CYRIB: variants seen among roughly 807,000 people sequenced by gnomAD.
The protein encoded by CYRIB is CYFIP related Rac1 interactor B, also known as CYFIP-related Rac1 interactor B.
A neutral mutation model predicts 44.2 loss-of-function variants in CYRIB; 8 were observed. The ratio of observed to expected loss-of-function variants is 0.18; its 90% CI spans 0.11 to 0.33. The LOEUF (loss-of-function observed/expected upper bound fraction) is 0.33, where lower values mean the gene tolerates loss of function less well. CYRIB is among the 10% of genes least tolerant of loss of function. CYRIB has a pLI of 1.00. For missense variants in CYRIB, 185 were observed against 382.8 expected, an observed-to-expected ratio of 0.48 and a Z score of 4.31; for synonymous variants, 131 against 127.2, an observed-to-expected ratio of 1.03 and a Z score of -0.20.
chr8:129,884,875 C>T (rs937656949), intron 2 of CYRIB, among the ~76,000 whole-genome samples: 1 of 152,110 alleles, frequency 6.6e-6, no homozygotes, highest in Admixed American at 6.5e-5. Context: ...ACTATGAGCC[C>T]TTACATTAGA....
chr8:129,927,703 A>AT (rs1360404745), intron 1 of CYRIB, among the ~76,000 whole-genome samples: 5 of 152,248 alleles, frequency 3.3e-5, no homozygotes, highest in East Asian at 1.9e-4. Flanking sequence ...TATTGTTTCA[A>AT]TTTTTTTATA....
At chr8:130,015,148 G>T (rs2097312495) in intron 1 of CYRIB, among the ~76,000 whole-genome samples, 1 of 152,116 alleles carries the variant, frequency 6.6e-6, no homozygotes, top group South Asian at 2.1e-4. Flanking sequence ...TAGCAAAATT[G>T]CTCCCTGGAG....
At chr8:129,891,597 A>G (rs2134896223) in intron 2 of CYRIB, among the ~76,000 whole-genome samples, 1 of 152,338 alleles carries the variant, frequency 6.6e-6, no homozygotes, top group African/African-American at 2.4e-5. Flanking sequence ...TAAGATCCAT[A>G]TATTTTAATT....
In CYRIB at chr8:129,864,773, G is replaced by A. The variant is rs1232407452; in HGVS notation, c.196-2439C>T. On this transcript the variant is annotated intron_variant, in intron 4 of 11. Transcript: ENST00000519824. ...CCTTCGGTACATTGCTAAGGAGTGAGCTGGACACCACTGTGGGGCCGCGTC... is the reference window on the plus strand; with the variant it reads ...CCTTCGGTACATTGCTAAGGAGTGAACTGGACACCACTGTGGGGCCGCGTC... The A allele has an allele frequency of 9.7e-6, 4 of 413,848 alleles. No homozygotes were observed. In the Admixed American group the frequency reaches 1.1e-4, roughly 11 times the overall value. 25.6% of individuals were successfully genotyped at this position (413,848 alleles called of 1,614,324 possible).
At chr8:129,877,097 T>A (rs1016497287) in intron 3 of CYRIB, among the ~76,000 whole-genome samples, 1 of 152,110 alleles carries the variant, frequency 6.6e-6, no homozygotes. Flanking sequence ...ATTAAGATAA[T>A]GCCAATGTTA....
At position 129,929,078 on chromosome 8, in the gene CYRIB, C is replaced by T. The variant is rs563002655; in HGVS notation, c.-50+10530G>A. Among the ~76,000 whole-genome samples the T allele has an allele frequency of 3.9e-5, 6 of 152,218 alleles. No individual in the cohort carries two copies. The South Asian group carries it at 6.2e-4, about 16-fold the overall frequency. ...ATGAATAAACAAAATGTGGCATATCCACAGAATGGAATATTACTCAACAAT... is the reference window on the plus strand; with the variant it reads ...ATGAATAAACAAAATGTGGCATATCTACAGAATGGAATATTACTCAACAAT... On this transcript the variant is annotated intron_variant, in intron 1 of 11. Coordinates refer to ENST00000519824, the Ensembl canonical transcript of CYRIB.
chr8:129,861,527 C>T (rs546623120), intron 5 of CYRIB, among the ~76,000 whole-genome samples: 10 of 152,206 alleles, frequency 6.6e-5, no homozygotes, highest in Admixed American at 5.9e-4. Context: ...CAGCCTTGAC[C>T]TCCTGGACTC....
chr8:129,848,405 T>C (rs1434600569), intron 10 of CYRIB, among the ~76,000 whole-genome samples: 6 of 151,858 alleles, frequency 4.0e-5, no homozygotes, highest in African/African-American at 4.8e-5. Flanking sequence ...ATGTGAGAGG[T>C]TGGGGAAAGA....
intron 4 of CYRIB, chr8:129,864,974 G>T: frequency 4.6e-6 from 1 of 219,512 alleles, no homozygotes; most frequent in East Asian, 1.3e-4. Context: ...CAATGGCTTG[G>T]ATGGTCCCTA....
chr8:129,897,118 T>TA (rs1316007600), intron 2 of CYRIB, among the ~76,000 whole-genome samples: 17 of 152,110 alleles, frequency 1.1e-4, no homozygotes, highest in African/African-American at 4.1e-4. Context: ...TACCAATAAA[T>TA]AAGAGAATCT....
exon 12 of CYRIB, chr8:129,841,935 GGATGATAT>G: frequency 2.0e-6 from 1 of 498,914 alleles, no homozygotes; most frequent in Non-Finnish European, 3.6e-6. Context: ...CCGTTTGAAA[GGATGATAT>G]CCCTTCAGAG....
At chr8:129,990,048 C>T (rs189456903) in intron 1 of CYRIB, among the ~76,000 whole-genome samples, 449 of 152,096 alleles carry the variant, frequency 3.0e-3, no homozygotes, top group African/African-American at 0.01. Flanking sequence ...GTTGACTTTC[C>T]GAGGCAGTAA....
chr8:130,014,256 C>G (rs1314902467), intron 1 of CYRIB, among the ~76,000 whole-genome samples: 1 of 152,088 alleles, frequency 6.6e-6, no homozygotes, highest in African/African-American at 2.4e-5. Context: ...ATGGAGAGAC[C>G]CCATCTCTAC....
intron 1 of CYRIB, among the ~76,000 whole-genome samples, chr8:129,983,183 C>G (rs1184798993): frequency 1.3e-5 from 2 of 152,162 alleles, no homozygotes; most frequent in Non-Finnish European, 2.9e-5. Flanking sequence ...CAGTGGCTCA[C>G]GCCTGTAATG....
At chr8:129,963,656 A>T (rs1435324258) in intron 2 of CYRIB, among the ~76,000 whole-genome samples, 1 of 152,208 alleles carries the variant, frequency 6.6e-6, no homozygotes, top group Admixed American at 6.5e-5. Context: ...ATTCACATTC[A>T]TCTTACAGTA....
chr8:129,842,069 C>T, exon 12 of CYRIB: 1 of 982,860 alleles, frequency 1.0e-6, no homozygotes, highest in Non-Finnish European at 1.6e-6. Flanking sequence ...TAATTGCAAT[C>T]ACTAAAAAAC....
intron 1 of CYRIB, among the ~76,000 whole-genome samples, chr8:129,925,671 C>T (rs1210667751): frequency 6.6e-6 from 1 of 152,220 alleles, no homozygotes; most frequent in South Asian, 2.1e-4. Context: ...ACACAGCAAC[C>T]TTGCTTTCTT....
intron 1 of CYRIB, among the ~76,000 whole-genome samples, chr8:129,995,520 C>T (rs1168744847): frequency 6.6e-6 from 1 of 152,206 alleles, no homozygotes; most frequent in Non-Finnish European, 1.5e-5. Context: ...TCCTAAGACC[C>T]AGATGTGCCT....
chr8:129,842,134 C>A (rs2036623319), exon 12 of CYRIB: 2 of 1,608,812 alleles, frequency 1.2e-6, no homozygotes, highest in East Asian at 2.2e-5. Context: ...GTGCTTATTC[C>A]AGAATTGTTA....
Sources: gnomAD v4.1 joint callset for allele counts (sites outside exome capture counted in the v4.1 genomes callset) on GRCh38, gnomAD v4.1.1 for gene constraint, MANE v1.5 for transcripts, NCBI Gene and HGNC (gene_info 2026-07-23, HGNC 2026-07-21) for gene names.